Variants in ENOX1 observed in about 807,000 individuals in gnomAD.
ENOX1 encodes ecto-NOX disulfide-thiol exchanger 1.
Under a neutral mutation model 82.5 loss-of-function variants are expected in ENOX1, and 42 were observed. The observed-to-expected ratio is 0.51, with a 90% CI of 0.40 to 0.66. The LOEUF (loss-of-function observed/expected upper bound fraction) is 0.66, where lower values mean the gene tolerates loss of function less well. Among genes scored for constraint, ENOX1 ranks in the 30% least tolerant of loss-of-function variants. ENOX1 has a pLI of 0.00. For synonymous variants in ENOX1, 271 were observed against 282.2 expected (o/e 0.96, Z 0.40); for missense variants, 608 against 811.6 (o/e 0.75, Z 3.05).
intron 11 of ENOX1, among the ~76,000 whole-genome samples, chr13:43,308,154 G>C (rs1473210121): frequency 6.8e-6 from 1 of 146,098 alleles, no homozygotes; most frequent in South Asian, 2.2e-4. Flanking sequence ...TCCACACTTT[G>C]CCCTCCCTTT....
intron 2 of ENOX1, among the ~76,000 whole-genome samples, chr13:43,564,623 T>C (rs940875628): frequency 2.6e-5 from 4 of 152,114 alleles, no homozygotes; most frequent in African/African-American, 9.7e-5. Flanking sequence ...TAGGAGAGGA[T>C]TACTTTAAAA....
At chr13:43,250,651 G>A (rs756752738) in intron 14 of ENOX1, among the ~76,000 whole-genome samples, 1 of 152,132 alleles carries the variant, frequency 6.6e-6, no homozygotes, top group Non-Finnish European at 1.5e-5. Context: ...TAATTTGATT[G>A]AATTTATTGA....
chr13:43,404,975 C>T (rs766139775), intron 5 of ENOX1, among the ~76,000 whole-genome samples: 32 of 152,292 alleles, frequency 2.1e-4, no homozygotes, highest in African/African-American at 6.5e-4. Flanking sequence ...CACTGGTACC[C>T]GCCAGGCTGT....
intron 1 of ENOX1, among the ~76,000 whole-genome samples, chr13:43,742,796 G>A (rs548564731): frequency 6.6e-6 from 1 of 152,176 alleles, no homozygotes; most frequent in African/African-American, 2.4e-5. Flanking sequence ...TAAGAGACTG[G>A]ATGTAGGTGT....
At chr13:43,328,653 G>T (rs1343841979) in intron 9 of ENOX1, among the ~76,000 whole-genome samples, 3 of 152,194 alleles carry the variant, frequency 2.0e-5, no homozygotes, top group Non-Finnish European at 4.4e-5. Flanking sequence ...GTACAGAAAA[G>T]AAAGAACTAA....
chr13:43,486,687 C>T (rs2076431943), intron 2 of ENOX1, among the ~76,000 whole-genome samples: 1 of 152,142 alleles, frequency 6.6e-6, no homozygotes, highest in Non-Finnish European at 1.5e-5. Context: ...GGGTCTGAAA[C>T]CAAACTGGCG....
At chr13:43,314,762 C>T (rs941083496) in intron 11 of ENOX1, among the ~76,000 whole-genome samples, 4 of 152,212 alleles carry the variant, frequency 2.6e-5, no homozygotes, top group African/African-American at 9.6e-5. Flanking sequence ...CCACTACCAA[C>T]TGGCCTACAT....
chr13:43,485,160 C>T (rs1308080241), intron 2 of ENOX1, among the ~76,000 whole-genome samples: 2 of 152,248 alleles, frequency 1.3e-5, no homozygotes, highest in East Asian at 3.9e-4. Context: ...AAAGCGAGGG[C>T]TCTAGTTGGA....
At chr13:43,385,560 A>G (rs569297259) in intron 5 of ENOX1, among the ~76,000 whole-genome samples, 1 of 152,344 alleles carries the variant, frequency 6.6e-6, no homozygotes, top group South Asian at 2.1e-4. Context: ...AGAAACAATA[A>G]TAGTAGTTTT....
chr13:43,472,456 G>T (rs750799291), intron 3 of ENOX1, among the ~76,000 whole-genome samples: 6 of 152,082 alleles, frequency 3.9e-5, no homozygotes, highest in Non-Finnish European at 7.4e-5. Flanking sequence ...ACCCCATAAG[G>T]CATATTTTTA....
intron 3 of ENOX1, among the ~76,000 whole-genome samples, chr13:43,423,438 C>T (rs2055095167): frequency 6.6e-6 from 1 of 152,220 alleles, no homozygotes; most frequent in Non-Finnish European, 1.5e-5. Flanking sequence ...AGGGCAAACA[C>T]ATACAGGTTC....
In ENOX1 at chr13:43,234,683, GT is replaced by G. The variant is rs547416290; in HGVS notation, c.1714+1952del. Among the ~76,000 whole-genome samples the G allele has an allele frequency of 6.6e-5, 10 of 152,212 alleles. No homozygotes were observed. In the East Asian group the frequency reaches 1.5e-3, roughly 24 times the overall value. On this transcript the variant is annotated intron_variant, in intron 15 of 16. Transcript: ENST00000690772. ...CACTTGATTTAACTAATTTTATATAGTTTTTTGTGATACCAAAGACATCAGC... is the reference window on the plus strand; with the variant it reads ...CACTTGATTTAACTAATTTTATATAGTTTTTGTGATACCAAAGACATCAGC...
chr13:43,260,015 C>T (rs966795063), intron 14 of ENOX1, among the ~76,000 whole-genome samples: 11 of 152,238 alleles, frequency 7.2e-5, no homozygotes, highest in African/African-American at 2.6e-4. Context: ...AGTATGTATT[C>T]TCTCTCACGC....
chr13:43,239,107 AG>A (rs2153460599), intron 14 of ENOX1, among the ~76,000 whole-genome samples: 1 of 152,324 alleles, frequency 6.6e-6, no homozygotes, highest in East Asian at 1.9e-4. Flanking sequence ...GTGATGTTTT[AG>A]GGTTGAAAAA....
chr13:43,731,117 G>C (rs2089315693), intron 1 of ENOX1, among the ~76,000 whole-genome samples: 2 of 152,242 alleles, frequency 1.3e-5, no homozygotes, highest in African/African-American at 2.4e-5. Flanking sequence ...GACAAGCACA[G>C]ACCCACTAAG....
chr13:43,777,115 C>A (rs1007333819), intron 1 of ENOX1, among the ~76,000 whole-genome samples: 1 of 152,186 alleles, frequency 6.6e-6, no homozygotes, highest in East Asian at 1.9e-4. Context: ...ACAATGGTCA[C>A]CAGGGGATAA....
chr13:43,616,204 A>ATATATTTTTTT (rs1457149422), intron 2 of ENOX1, among the ~76,000 whole-genome samples: 1 of 15,298 alleles, frequency 6.5e-5, no homozygotes, highest in Non-Finnish European at 2.1e-4. Flanking sequence ...ATATATATAT[A>ATATATTTTTTT]TTTTTTTTTT....
intron 2 of ENOX1, among the ~76,000 whole-genome samples, chr13:43,555,836 A>T (rs2079410153): frequency 6.6e-6 from 1 of 152,234 alleles, no homozygotes; most frequent in Non-Finnish European, 1.5e-5. Context: ...TCTGGGTTGC[A>T]CATTCATAAT....
chr13:43,331,194 A>T (rs2048391068), intron 9 of ENOX1, among the ~76,000 whole-genome samples: 1 of 152,220 alleles, frequency 6.6e-6, no homozygotes, highest in Admixed American at 6.5e-5. Flanking sequence ...TGCATGGGAG[A>T]TGAAAGAGAA....
Sources: allele counts gnomAD v4.1 joint callset (sites outside exome capture counted in the v4.1 genomes callset), GRCh38; gene constraint gnomAD v4.1.1; transcripts MANE v1.5; gene names NCBI Gene and HGNC (gene_info 2026-07-23, HGNC 2026-07-21).